The following SCFD2 variants were observed in gnomAD, a reference collection of about 807,000 sequenced individuals.
SCFD2 encodes sec1 family domain-containing protein 2.
Under a neutral mutation model 58.9 loss-of-function variants are expected in SCFD2, and 54 were observed. That is an observed-to-expected ratio of 0.92 (90% CI 0.74 to 1.15). The LOEUF (loss-of-function observed/expected upper bound fraction) is 1.15. Ranked by LOEUF, SCFD2 falls within the 50% of genes most tolerant of loss-of-function variation. The pLI is 0.00. For synonymous variants in SCFD2, 321 were observed against 335.9 expected (o/e 0.96, Z 0.49); for missense variants, 805 against 836.6 (o/e 0.96, Z 0.47).
chr4:53,301,647 A>G (rs12512748), intron 3 of SCFD2, among the ~76,000 whole-genome samples: 18,743 of 152,110 alleles, frequency 0.12, 1,314 homozygotes, highest in East Asian at 0.22. Flanking sequence ...AGACACAACA[A>G]AAAAAGGGAA....
At chr4:52,916,402 T>C (rs1665154182) in intron 6 of SCFD2, among the ~76,000 whole-genome samples, 1 of 152,178 alleles carries the variant, frequency 6.6e-6, no homozygotes, top group Admixed American at 6.5e-5. Context: ...AAACCCTGTC[T>C]CTACTAAAAA....
At chr4:52,956,141 A>C (rs757477496) in intron 5 of SCFD2, 1 of 456,636 alleles carries the variant, frequency 2.2e-6, no homozygotes, top group Non-Finnish European at 4.4e-6. Context: ...CAGAGCTCTA[A>C]ATCTGGAAGA....
chr4:53,005,274 G>C (rs1721948926), intron 5 of SCFD2, among the ~76,000 whole-genome samples: 1 of 152,166 alleles, frequency 6.6e-6, no homozygotes, highest in Non-Finnish European at 1.5e-5. Flanking sequence ...ATGTTGGAGA[G>C]AGCTGCTAAT....
intron 5 of SCFD2, among the ~76,000 whole-genome samples, chr4:52,942,197 T>C (rs1720310945): frequency 6.6e-6 from 1 of 152,142 alleles, no homozygotes; most frequent in Admixed American, 6.5e-5. Context: ...GAAAGTTGGT[T>C]GTCAAAGAAA....
At chr4:53,189,007 C>A (rs1727817051) in intron 4 of SCFD2, among the ~76,000 whole-genome samples, 1 of 152,170 alleles carries the variant, frequency 6.6e-6, no homozygotes, top group Admixed American at 6.6e-5. Context: ...AATGCTCATG[C>A]AATGTATTCA....
Position 53,365,190 on chromosome 4 carries a change from G to T in SCFD2, c.752C>A (p.Ala251Asp). ...CCTGTTCTTTGCAGGGGCATAATTG[G>T]CCAGATCCGCAGCGATGACCTGACT... ...SLSQVIAADLANYAPAKNRKK... is the reference protein window; with the variant it reads ...SLSQVIAADLDNYAPAKNRKK... The change falls in exon 1 of 9, where the codon GCC (alanine) becomes GAC (aspartate). Residue 251 changes from alanine to aspartate, a missense_variant. Ala to Asp is a moderately radical substitution (Grantham distance 126). Transcript: ENST00000401642. This position sits in a 1 kb window ranked among gnomAD's most constrained non-coding sequence, Gnocchi z 4.3. The T allele has an allele frequency of 6.2e-7, 1 of 1,614,132 alleles. No individual in the cohort carries two copies.
intron 5 of SCFD2, among the ~76,000 whole-genome samples, chr4:52,944,437 A>G (rs193103810): frequency 1.3e-5 from 2 of 152,334 alleles, no homozygotes; most frequent in Non-Finnish European, 2.9e-5. Flanking sequence ...AAGTAGGGTT[A>G]AAACCACTAA....
At chr4:53,289,371 A>G (rs1418792401) in intron 3 of SCFD2, among the ~76,000 whole-genome samples, 1 of 152,192 alleles carries the variant, frequency 6.6e-6, no homozygotes, top group Non-Finnish European at 1.5e-5. Context: ...AGTCTCAAAA[A>G]CAAACAAACA....
intron 4 of SCFD2, among the ~76,000 whole-genome samples, chr4:53,150,975 G>A (rs115817532): frequency 0.015 from 2,248 of 152,230 alleles, 22 homozygotes; most frequent in Middle Eastern, 0.048. Flanking sequence ...AAGTTGTAAC[G>A]TCAGAAGTGA....
At chr4:53,062,093 CG>C (rs1723530787) in intron 5 of SCFD2, among the ~76,000 whole-genome samples, 1 of 151,426 alleles carries the variant, frequency 6.6e-6, no homozygotes, top group Non-Finnish European at 1.5e-5. Context: ...AATAATAGGC[CG>C]GGTGTGGTGG....
At chr4:53,279,928 A>G (rs1222770009) in intron 3 of SCFD2, among the ~76,000 whole-genome samples, 2 of 152,186 alleles carry the variant, frequency 1.3e-5, no homozygotes, top group Non-Finnish European at 2.9e-5. Context: ...CCCCCATGAT[A>G]CAATTACCTC....
intron 4 of SCFD2, among the ~76,000 whole-genome samples, chr4:53,159,439 G>A (rs1726789084): frequency 6.6e-6 from 1 of 152,160 alleles, no homozygotes; most frequent in African/African-American, 2.4e-5. Flanking sequence ...AGAGTTTGCA[G>A]GGAAGGGGAA....
intron 5 of SCFD2, among the ~76,000 whole-genome samples, chr4:53,036,966 A>G (rs1722780246): frequency 6.6e-6 from 1 of 152,200 alleles, no homozygotes; most frequent in Non-Finnish European, 1.5e-5. Flanking sequence ...AGGGTTGATT[A>G]CAAAGGAGCA....
At chr4:53,321,630 AGCAGGGAATAATG>A (rs1733030032) in intron 2 of SCFD2, among the ~76,000 whole-genome samples, 1 of 152,218 alleles carries the variant, frequency 6.6e-6, no homozygotes, top group African/African-American at 2.4e-5. Context: ...AGTTTTTCAC[AGCAGGGAATAATG>A]GCTTCCATGA....
At chr4:52,911,660 GAT>G (rs1344914914) in intron 6 of SCFD2, among the ~76,000 whole-genome samples, 2 of 152,054 alleles carry the variant, frequency 1.3e-5, no homozygotes, top group African/African-American at 4.8e-5. Context: ...CTACCTCTTT[GAT>G]ATTCATTTCT....
At chr4:52,946,491 T>A (rs1482871981) in intron 5 of SCFD2, among the ~76,000 whole-genome samples, 5 of 152,130 alleles carry the variant, frequency 3.3e-5, no homozygotes, top group Admixed American at 3.3e-4. Flanking sequence ...AATTCAGAGT[T>A]CCTTCTTAAG....
intron 5 of SCFD2, among the ~76,000 whole-genome samples, chr4:52,982,048 T>TG (rs1721388618): frequency 6.6e-6 from 1 of 152,202 alleles, no homozygotes; most frequent in Admixed American, 6.5e-5. Flanking sequence ...GGATCAAGGA[T>TG]GACTCTTATG....
At chr4:53,322,849 C>T (rs1273508436) in intron 2 of SCFD2, among the ~76,000 whole-genome samples, 2 of 152,144 alleles carry the variant, frequency 1.3e-5, no homozygotes, top group Non-Finnish European at 2.9e-5. Context: ...TTGATTACAT[C>T]TGTGTGTTTT....
intron 8 of SCFD2, among the ~76,000 whole-genome samples, chr4:52,879,804 C>G (rs1258997265): frequency 6.6e-6 from 1 of 152,186 alleles, no homozygotes; most frequent in Non-Finnish European, 1.5e-5. Flanking sequence ...CAGGGAAGTC[C>G]AGGATTTACA....
Sources: allele counts gnomAD v4.1 joint callset (sites outside exome capture counted in the v4.1 genomes callset), GRCh38; gene constraint gnomAD v4.1.1; non-coding constraint Gnocchi (gnomAD v3.1); transcripts MANE v1.5; gene names NCBI Gene and HGNC (gene_info 2026-07-23, HGNC 2026-07-21).